The following LYSMD4 variants were observed in gnomAD, a reference collection of about 807,000 sequenced individuals.
LYSMD4 encodes the protein LysM domain containing 4.
LYSMD4 carries 9 observed loss-of-function variants against 6.1 expected under a neutral mutation model. That is an observed-to-expected ratio of 1.47 (90% CI 0.88 to 2.56). LYSMD4 has a LOEUF of 2.56. LYSMD4 is among the 30% of genes most tolerant of loss of function. The probability of loss-of-function intolerance (pLI) is 0.00; values close to 1 mark genes in which losing one functional copy is unlikely to be tolerated. For synonymous variants in LYSMD4, 143 were observed against 148.5 expected, an observed-to-expected ratio of 0.96 and a Z score of 0.27; for missense variants, 384 against 373.5, an observed-to-expected ratio of 1.03 and a Z score of -0.23.
In LYSMD4 at chr15:99,717,005, C is replaced by T. The variant is rs930966555; in HGVS notation, c.-208G>A. The stretch of plus-strand genomic sequence containing the variant: ...TTGAGTTTTCAGAGTGTTAGGTGTA[C>T]GTCCCAGTATGCTGGCAGGCACTTA... On this transcript the variant is annotated 5_prime_UTR_variant, in exon 1 of 1. Transcript: ENST00000378904. The T allele has an allele frequency of 1.2e-5, 3 of 245,588 alleles. No homozygotes were observed. The South Asian group carries it at 1.4e-4, about 12-fold the overall frequency. The allele number at this position is 245,588 out of a possible 1,614,324, so 15.2% of individuals were successfully genotyped here.
chr15:99,723,057 C>T (rs370943713), downstream of LYSMD4, among the ~76,000 whole-genome samples: 14 of 151,290 alleles, frequency 9.3e-5, no homozygotes, highest in South Asian at 6.2e-4. Context: ...AAAAAAAGGA[C>T]GCACTGAATG....
exon 1 of LYSMD4, chr15:99,716,069 C>T (rs986531565): frequency 6.4e-6 from 1 of 157,098 alleles, no homozygotes; most frequent in Admixed American, 6.2e-5. Flanking sequence ...GGATCTTAAG[C>T]TAGATGATTA....
At position 99,729,323 on chromosome 15, in the gene LYSMD4, C is replaced by T. The variant is rs763193728; in HGVS notation, c.691G>A (p.Val231Ile). 2 of 1,614,190 alleles carry T rather than the reference C, an allele frequency of 1.2e-6. No individual in the cohort carries two copies. The highest frequency in any genetic ancestry group is 1.1e-5 in the South Asian group (1 of 91,086). ...AVFIMLLIGIVLPVFYLVYFK... is the reference protein window; with the variant it reads ...AVFIMLLIGIILPVFYLVYFK... The stretch of plus-strand genomic sequence containing the variant: ...TAGACCAAATAAAAGACAGGCAAGA[C>T]AATACCAATCAGCAGCATGATGAAA... Residue 231 changes from valine to isoleucine, a missense_variant, in exon 3 of 3, where the codon GTC (valine) becomes ATC (isoleucine). Coordinates refer to ENST00000684762, the MANE Select transcript of LYSMD4 (RefSeq NM_001284417.2).
At chr15:99,723,376 A>G (rs2059252392), downstream of LYSMD4, among the ~76,000 whole-genome samples, 2 of 152,152 alleles carry the variant, frequency 1.3e-5, no homozygotes, top group Admixed American at 6.5e-5. Context: ...TAGATTCTGC[A>G]TTTGTCTGTT....
intron 2 of LYSMD4, 68 bp from the exon 3 acceptor site, chr15:99,729,799 G>T: frequency 6.6e-7 from 1 of 1,506,920 alleles, no homozygotes. Flanking sequence ...TCCAAAAAGT[G>T]GCTCTTAATC....
intron 1 of LYSMD4, 101 bp from the exon 2 acceptor site, chr15:99,732,108 A>G: frequency 1.6e-6 from 2 of 1,226,534 alleles, no homozygotes; most frequent in South Asian, 3.2e-5. Flanking sequence ...TCCTTTTCCT[A>G]ATCGCTGCAA....
chr15:99,732,046 TAA>T, intron 1 of LYSMD4, 39 bp from the exon 2 acceptor site: 1 of 1,511,980 alleles, frequency 6.6e-7, no homozygotes. Flanking sequence ...ACAGAAGACA[TAA>T]TCATCCCTCC....
chr15:99,725,264 T>C (rs1023541622), downstream of LYSMD4, among the ~76,000 whole-genome samples: 1 of 152,356 alleles, frequency 6.6e-6, no homozygotes, highest in South Asian at 2.1e-4. Context: ...CCTAGGCTCC[T>C]AGATCAATTG....
chr15:99,718,839 A>G (rs2059214752), upstream of LYSMD4, among the ~76,000 whole-genome samples: 1 of 152,074 alleles, frequency 6.6e-6, no homozygotes, highest in Non-Finnish European at 1.5e-5. Context: ...AGATGTGCTT[A>G]TTGTTACCAG....
At chr15:99,731,566 T>TGACTAG in intron 2 of LYSMD4, 152 bp downstream of exon 2, 2 of 1,529,744 alleles carry the variant, frequency 1.3e-6, no homozygotes, top group East Asian at 4.5e-5. Flanking sequence ...TGCATTCCAA[T>TGACTAG]TCTGGCTAAA....
chr15:99,718,728 G>C (rs964382268), upstream of LYSMD4, among the ~76,000 whole-genome samples: 9 of 152,048 alleles, frequency 5.9e-5, no homozygotes, highest in Admixed American at 5.9e-4. Flanking sequence ...TGGCACCACA[G>C]GTGCTCCACA....
At position 99,731,638 on chromosome 15, in the gene LYSMD4, C is replaced by T. The variant is rs368041649; in HGVS notation, c.282+80G>A. On this transcript the variant is annotated intron_variant, in intron 2 of 2. Coordinates refer to ENST00000684762, the MANE Select transcript of LYSMD4 (RefSeq NM_001284417.2). Reference sequence around the variant, plus strand: ...GACGGCCTGGCAGGGTTAAGAAGGGCGGCAAGGGCACCCACCCTGCAGTGA... The same window carrying T: ...GACGGCCTGGCAGGGTTAAGAAGGGTGGCAAGGGCACCCACCCTGCAGTGA... 1,959 of 1,521,308 alleles carry T rather than the reference C, an allele frequency of 1.3e-3. 25 individuals carry two copies. In the African/African-American group the frequency reaches 0.024, roughly 19 times the overall value. 94.2% of individuals were successfully genotyped at this position (1,521,308 alleles called of 1,614,324 possible).
In LYSMD4 at chr15:99,729,482, C is replaced by T. The variant is rs180886521; in HGVS notation, c.532G>A (p.Glu178Lys). The stretch of plus-strand genomic sequence containing the variant: ...AAGATTTCTGACTGCACTGCACGCT[C>T]AATATCCTGGTCAATCCCCTTAAAG... ...GFFKGIDQDI[E>K]RAVQSEIFLH... is the part of the protein sequence containing the mutation. The change falls in exon 3 of 3, where the codon GAG becomes AAG. Residue 178 changes from glutamate to lysine, a missense_variant. Transcript: ENST00000684762. 25 of 1,614,124 alleles carry T rather than the reference C, an allele frequency of 1.5e-5. No homozygotes were observed. The highest frequency in any genetic ancestry group is 1.2e-4 in the Admixed American group (7 of 60,022).
At chr15:99,717,151 TA>T in exon 1 of LYSMD4, 1 of 154,158 alleles carries the variant, frequency 6.5e-6, no homozygotes, top group Non-Finnish European at 1.4e-5. Flanking sequence ...TTCCTGGTGT[TA>T]AACTGAAAAC....
intron 1 of LYSMD4, chr15:99,733,021 A>T: frequency 4.0e-6 from 1 of 251,126 alleles, no homozygotes; most frequent in Non-Finnish European, 7.6e-6. Context: ...CTTCCCTCCA[A>T]GTCCCTTCTG....
At chr15:99,719,616 G>A (rs2059223064), upstream of LYSMD4, among the ~76,000 whole-genome samples, 2 of 152,190 alleles carry the variant, frequency 1.3e-5, no homozygotes, top group South Asian at 4.1e-4. Flanking sequence ...TGGTGTGGAT[G>A]TACCATGGTG....
rs150846861 is a variant in LYSMD4, at chr15:99,729,684, T to G, written c.330A>C (p.Leu110Phe). 6.2e-7 allele frequency: 1 copy of G among 1,613,658 alleles called. No homozygotes were observed. Among genetic ancestry groups the G allele is most frequent in the South Asian group, 1.1e-5 (1 of 91,084 alleles). The change falls in exon 3 of 3, where the codon TTA becomes TTC. Residue 110 changes from leucine (L) to phenylalanine (F), a missense_variant. Coordinates refer to ENST00000684762, the MANE Select transcript of LYSMD4 (RefSeq NM_001284417.2). ...GAATCTTAACAGATTTCAAAGCATATAAGTCTTGTTCTCTGATGAAGTTGT... is the reference window on the plus strand; with the variant it reads ...GAATCTTAACAGATTTCAAAGCATAGAAGTCTTGTTCTCTGATGAAGTTGT... ...KVNNFIREQD[L>F]YALKSVKIPV...
upstream of LYSMD4, among the ~76,000 whole-genome samples, chr15:99,722,015 C>A (rs1436805822): frequency 6.6e-6 from 1 of 152,062 alleles, no homozygotes; most frequent in African/African-American, 2.4e-5. Flanking sequence ...GAGGGGGAAG[C>A]TGGACAGAGA....
At chr15:99,731,486 C>CT (rs1196567505) in intron 2 of LYSMD4, 3 of 1,592,176 alleles carry the variant, frequency 1.9e-6, no homozygotes. Context: ...GAGAAGTTCC[C>CT]TGCAGAGAAA....
Sources: allele counts gnomAD v4.1 joint callset (sites outside exome capture counted in the v4.1 genomes callset), GRCh38; gene constraint gnomAD v4.1.1; transcripts MANE v1.5; gene names NCBI Gene and HGNC (gene_info 2026-07-23, HGNC 2026-07-21).